RCN3: variants seen among roughly 807,000 people sequenced by gnomAD.
RCN3 encodes the protein reticulocalbin 3.
In RCN3, 41 loss-of-function variants were observed where a neutral mutation model predicts 35.9. The observed-to-expected ratio is 1.14, with a 90% confidence interval of 0.89 to 1.48. The LOEUF (loss-of-function observed/expected upper bound fraction) is 1.48, where lower values mean the gene tolerates loss of function less well. Among genes scored for constraint, RCN3 ranks in the 40% most tolerant of loss-of-function variants. RCN3 has a pLI of 0.00. For synonymous variants in RCN3, 187 were observed against 193.4 expected (o/e 0.97, Z 0.27); for missense variants, 451 against 471.3 (o/e 0.96, Z 0.40).
chr19:49,532,780 A>G (rs928558995), intron 2 of RCN3, among the ~76,000 whole-genome samples: 1 of 152,110 alleles, frequency 6.6e-6, no homozygotes, highest in Admixed American at 6.6e-5. Context: ...GATTCAACCA[A>G]TTCTCCCGCG....
chr19:49,540,635 A>AG (rs1220200527), intron 5 of RCN3, among the ~76,000 whole-genome samples: 2 of 151,302 alleles, frequency 1.3e-5, no homozygotes, highest in Non-Finnish European at 2.9e-5. Context: ...AAAAAAAAAA[A>AG]AGATGGGGTC....
At chr19:49,535,950 TTAAA>T (rs148407833) in intron 3 of RCN3, among the ~76,000 whole-genome samples, 14,821 of 147,696 alleles carry the variant, frequency 0.1, 973 homozygotes, top group African/African-American at 0.18. Context: ...TATTATATAC[TTAAA>T]TATATATACA....
intron 3 of RCN3, 73 bp downstream of exon 3, chr19:49,534,468 A>G (rs2090377266): frequency 6.8e-7 from 1 of 1,469,110 alleles, no homozygotes; most frequent in Non-Finnish European, 9.1e-7. Context: ...CATTCTGAGA[A>G]CCCTGAACCC....
chr19:49,537,512 C>CTT (rs542405486), intron 4 of RCN3, among the ~76,000 whole-genome samples: 5 of 146,170 alleles, frequency 3.4e-5, no homozygotes, highest in Admixed American at 6.8e-5. Flanking sequence ...TCTTTTCTTT[C>CTT]TTTTTTTTTT....
At chr19:49,540,129 C>G (rs2080156372) in intron 5 of RCN3, among the ~76,000 whole-genome samples, 1 of 151,860 alleles carries the variant, frequency 6.6e-6, no homozygotes, top group Middle Eastern at 3.2e-3. Flanking sequence ...CACTTTCTTT[C>G]TTTCTGTCAC....
intron 3 of RCN3, among the ~76,000 whole-genome samples, chr19:49,535,873 T>TATAGATAG (rs1555811317): frequency 2.1e-4 from 30 of 144,796 alleles, no homozygotes; most frequent in African/African-American, 6.0e-4. Flanking sequence ...TATATATATA[T>TATAGATAG]ATAGATAGAT....
intron 1 of RCN3, 28 bp from the exon 2 acceptor site, chr19:49,528,432 GTGACCCC>G: frequency 6.9e-7 from 1 of 1,453,818 alleles, no homozygotes; most frequent in Non-Finnish European, 9.1e-7. Context: ...CCCCATCCCT[GTGACCCC>G]TGACCCCTGG....
In RCN3 at chr19:49,534,056, C is replaced by G. The variant is rs531438657; in HGVS notation, c.243-137C>G. 90 of 886,670 alleles carry G rather than the reference C, an allele frequency of 1.0e-4. 1 individual carries two copies. In the South Asian group the frequency reaches 1.3e-3, roughly 13 times the overall value. The allele number at this position is 886,670 out of a possible 1,614,324, so 54.9% of individuals were successfully genotyped here. Reference sequence around the variant, plus strand: ...GCTTGGTCCCGAAATTGACCCGCGCCCCTCCCCAGTTAGCCCGCGGACCGT... The same window carrying G: ...GCTTGGTCCCGAAATTGACCCGCGCGCCTCCCCAGTTAGCCCGCGGACCGT... On this transcript the variant is annotated intron_variant, in intron 2 of 6. Coordinates refer to ENST00000270645, the MANE Select transcript of RCN3 (RefSeq NM_020650.3).
Position 49,528,489 on chromosome 19 carries a change from C to T in RCN3, c.17C>T (p.Ser6Leu), listed in dbSNP as rs574372719. The change falls in exon 2 of 7, where the codon TCA (serine) becomes TTA (leucine). Residue 6 changes from serine to leucine, a missense_variant. Coordinates refer to ENST00000270645, the MANE Select transcript of RCN3 (RefSeq NM_020650.3). ...CAGGGACCGATGATGTGGCGACCAT[C>T]AGTTCTGCTGCTTCTGTTGCTACTG... MMWRP[S>L]VLLLLLLLRH... The T allele has an allele frequency of 1.3e-6, 2 of 1,515,438 alleles. No homozygotes were observed. Among genetic ancestry groups the T allele is most frequent in the Non-Finnish European group, 1.8e-6 (2 of 1,132,082 alleles). 93.9% of individuals were successfully genotyped at this position (1,515,438 alleles called of 1,614,324 possible). A position where few individuals can be genotyped will look rare whatever the true frequency, so the allele number is the denominator to read the frequency against.
rs1409544593 is a variant in RCN3, at chr19:49,537,151, G to A, written c.564G>A (p.Leu188=). 5.0e-6 allele frequency: 8 copies of A among 1,590,856 alleles called. No individual in the cohort carries two copies. The highest frequency in any genetic ancestry group is 6.9e-6 in the Non-Finnish European group (8 of 1,167,554). Residue 188 remains leucine, a synonymous_variant, in exon 4 of 7, where the codon CTG becomes CTA. Transcript: ENST00000270645. ...ACTCGATGGCCACTCGAGAGGAGCT[G>A]ACAGCCTTCCTGCACCCCGAGGAGT... ...DGDSMATREE[L]TAFLHPEEFP...
chr19:49,535,859 A>ATATAT (rs1555811302), intron 3 of RCN3, among the ~76,000 whole-genome samples: 180 of 137,228 alleles, frequency 1.3e-3, no homozygotes, highest in Middle Eastern at 7.4e-3. Flanking sequence ...CAAAAAAAAA[A>ATATAT]AAATATATAT....
In RCN3 at chr19:49,539,116, C is replaced by A. The variant is rs1240622023; in HGVS notation, c.619-3C>A. On this transcript the variant is annotated splice_region_variant and splice_polypyrimidine_tract_variant and intron_variant, in intron 4 of 6. Transcript: ENST00000270645. ...CCAGCCTCAATGCCCCTTTCTCCTCCAGGAAACCCTGGAGGACCTGGACAG... is the reference window on the plus strand; with the variant it reads ...CCAGCCTCAATGCCCCTTTCTCCTCAAGGAAACCCTGGAGGACCTGGACAG... The A allele has an allele frequency of 1.3e-6, 2 of 1,599,178 alleles. No individual in the cohort carries two copies. Among genetic ancestry groups the A allele is most frequent in the Non-Finnish European group, 1.7e-6 (2 of 1,174,418 alleles).
chr19:49,533,023 C>T (rs1470902049), intron 2 of RCN3, among the ~76,000 whole-genome samples: 1 of 152,198 alleles, frequency 6.6e-6, no homozygotes, highest in Non-Finnish European at 1.5e-5. Context: ...CCCACAACCG[C>T]CCTTTTGGGG....
Position 49,537,161 on chromosome 19 carries a change from C to T in RCN3, c.574C>T (p.Leu192=). Residue 192 remains leucine (L), a synonymous_variant, in exon 4 of 7, where the codon CTG becomes TTG. Coordinates refer to ENST00000270645, the MANE Select transcript of RCN3 (RefSeq NM_020650.3). ...MATREELTAF[L]HPEEFPHMRD... The stretch of plus-strand genomic sequence containing the variant: ...CACTCGAGAGGAGCTGACAGCCTTC[C>T]TGCACCCCGAGGAGTTCCCTCACAT... 1.3e-6 allele frequency: 2 copies of T among 1,581,650 alleles called. No individual in the cohort carries two copies. The highest frequency in any genetic ancestry group is 1.1e-5 in the South Asian group (1 of 87,822).
chr19:49,530,073 T>C (rs1314942579), intron 2 of RCN3, among the ~76,000 whole-genome samples: 1 of 152,032 alleles, frequency 6.6e-6, no homozygotes, highest in Non-Finnish European at 1.5e-5. Context: ...TGCCTCGTAC[T>C]CCCTAGTAGC....
At chr19:49,533,801 C>G (rs891532368) in intron 2 of RCN3, among the ~76,000 whole-genome samples, 40 of 152,244 alleles carry the variant, frequency 2.6e-4, no homozygotes, top group African/African-American at 9.6e-4. Context: ...CAACAGGGCC[C>G]CCTTGGCAAG....
At chr19:49,543,052 G>A (rs936209362) in intron 6 of RCN3, 54 bp from the exon 7 acceptor site, 1 of 1,432,496 alleles carries the variant, frequency 7.0e-7, no homozygotes, top group Non-Finnish European at 9.8e-7. Flanking sequence ...ATGCAGGGAG[G>A]GCTTTTGAAA....
At chr19:49,536,417 C>T (rs909182088) in intron 3 of RCN3, among the ~76,000 whole-genome samples, 11 of 150,464 alleles carry the variant, frequency 7.3e-5, no homozygotes, top group Admixed American at 1.3e-4. Flanking sequence ...TCTCCTGCCT[C>T]AGCCTCACGA....
chr19:49,538,671 A>G (rs1426632492), intron 4 of RCN3, among the ~76,000 whole-genome samples: 1 of 152,184 alleles, frequency 6.6e-6, no homozygotes, highest in Non-Finnish European at 1.5e-5. Context: ...GTTTTGCTCC[A>G]GAAGGGCACA....
Sources: gnomAD v4.1 joint callset for allele counts (sites outside exome capture counted in the v4.1 genomes callset) on GRCh38, gnomAD v4.1.1 for gene constraint, MANE v1.5 for transcripts, NCBI Gene and HGNC (gene_info 2026-07-23, HGNC 2026-07-21) for gene names.